Variants in ARMC1 observed in about 807,000 individuals in gnomAD.
The protein encoded by ARMC1 is armadillo repeat containing 1.
ARMC1 carries 16 observed loss-of-function variants against 31.4 expected under a neutral mutation model. The observed-to-expected ratio is 0.51, with a 90% CI of 0.34 to 0.77. ARMC1 has a LOEUF of 0.77. Among genes scored for constraint, ARMC1 ranks in the 30% least tolerant of loss-of-function variants. ARMC1 has a pLI of 0.01. For synonymous variants in ARMC1, 114 were observed against 118.9 expected (o/e 0.96, Z 0.27); for missense variants, 259 against 347.5 (o/e 0.75, Z 2.02).
At position 65,622,367 on chromosome 8, in the gene ARMC1, A is replaced by T. The variant is rs1361878160; in HGVS notation, c.184-13T>A. 3 of 1,606,886 alleles carry T rather than the reference A, an allele frequency of 1.9e-6. No homozygotes were observed. Among genetic ancestry groups the T allele is most frequent in the East Asian group, 2.2e-5 (1 of 44,838 alleles). ...AGTATCGAAGAGCCTACAGCAGAAGAAGTAATAAGTTAATTCGTCTGTCCA... is the reference window on the plus strand; with the variant it reads ...AGTATCGAAGAGCCTACAGCAGAAGTAGTAATAAGTTAATTCGTCTGTCCA... On this transcript the variant is annotated splice_polypyrimidine_tract_variant and intron_variant, in intron 2 of 6. Coordinates refer to ENST00000276569, the MANE Select transcript of ARMC1 (RefSeq NM_018120.6).
At chr8:65,607,134 A>G (rs1198781571) in intron 4 of ARMC1, among the ~76,000 whole-genome samples, 2 of 152,198 alleles carry the variant, frequency 1.3e-5, no homozygotes, top group African/African-American at 4.8e-5. Flanking sequence ...GCATTTCAAC[A>G]CTACTCAGGG....
chr8:65,617,066 C>T lies in ARMC1; in HGVS notation c.276-3633G>A, dbSNP rs577447777. ...GGTGGGGGGCGCTTCTGCCCAGCCG[C>T]CCCTTCTGGGAAGTGAGGAGCCCCT... On this transcript the variant is annotated intron_variant, in intron 3 of 6. Coordinates refer to ENST00000276569, the MANE Select transcript of ARMC1 (RefSeq NM_018120.6). Among the ~76,000 whole-genome samples, 4 of 151,498 alleles carry T rather than the reference C, an allele frequency of 2.6e-5. No individual in the cohort carries two copies. The East Asian group carries it at 7.8e-4, about 29-fold the overall frequency.
chr8:65,633,351 A>G (rs1266919327), intron 1 of ARMC1, among the ~76,000 whole-genome samples: 1 of 152,248 alleles, frequency 6.6e-6, no homozygotes, highest in Non-Finnish European at 1.5e-5. Context: ...TTGAGAAGTT[A>G]AGTTCTTAGA....
Position 65,613,170 on chromosome 8 carries a change from A to C in ARMC1, c.465+74T>G, listed in dbSNP as rs560290109. 4.1e-6 allele frequency: 5 copies of C among 1,234,360 alleles called. No homozygotes were observed. In the Admixed American group the frequency reaches 7.7e-5, roughly 19 times the overall value. The allele number at this position is 1,234,360 out of a possible 1,614,324, so 76.5% of individuals were successfully genotyped here. A position where few individuals can be genotyped will look rare whatever the true frequency, so the allele number is the denominator to read the frequency against. On this transcript the variant is annotated intron_variant, in intron 4 of 6. Coordinates refer to ENST00000276569, the MANE Select transcript of ARMC1 (RefSeq NM_018120.6). The stretch of plus-strand genomic sequence containing the variant: ...ATACTGATATCGAGATTTATTCTCA[A>C]AGACTGTTAGCAAGTGGCACTGAAG...
intron 3 of ARMC1, 135 bp from the exon 4 acceptor site, chr8:65,613,568 G>A: frequency 1.9e-6 from 1 of 525,048 alleles, no homozygotes; most frequent in Non-Finnish European, 3.3e-6. Context: ...GTGAATCCTA[G>A]AATAATCAAT....
chr8:65,605,631 G>A, intron 4 of ARMC1, 93 bp from the exon 5 acceptor site: 1 of 848,470 alleles, frequency 1.2e-6, no homozygotes, highest in South Asian at 1.5e-5. Context: ...GGGGAAGAGA[G>A]CAAATGACCT....
At position 65,605,442 on chromosome 8, in the gene ARMC1, G is replaced by A. The variant is rs767195470; in HGVS notation, c.562C>T (p.Arg188Cys). Residue 188 changes from arginine (R) to cysteine (C), a missense_variant, in exon 5 of 7, where the codon CGT (arginine) becomes TGT (cysteine). Arg to Cys is a radical substitution (Grantham distance 180). This residue lies in a region of ARMC1 where 23 missense variants were observed against 60.8 expected (regional missense o/e 0.38). Transcript: ENST00000276569. The part of the protein sequence containing the change: ...MAVQRCVVRI[R>C]SDLKAEALAS... ...CTTACCTCAGCTTTCAAATCTGAAC[G>A]GATTCGCACCACACACCTTTGAACA... is the stretch of plus-strand genomic sequence containing the variant. 1.7e-5 allele frequency: 27 copies of A among 1,613,984 alleles called. No homozygotes were observed. Among genetic ancestry groups the A allele is most frequent in the East Asian group, 2.2e-5 (1 of 44,868 alleles).
chr8:65,609,156 C>T (rs1258828415), intron 4 of ARMC1, among the ~76,000 whole-genome samples: 7 of 129,886 alleles, frequency 5.4e-5, no homozygotes, highest in South Asian at 2.4e-4. Flanking sequence ...TTTTTTGAGA[C>T]GGAATCTCGC....
At chr8:65,628,391 A>ATTTTTT (rs763494218) in intron 1 of ARMC1, among the ~76,000 whole-genome samples, 92 of 78,806 alleles carry the variant, frequency 1.2e-3, no homozygotes, top group East Asian at 1.8e-3. Flanking sequence ...CGCCCGGCTA[A>ATTTTTT]TTTTTTTTTT....
At chr8:65,612,400 A>T (rs1303356281) in intron 4 of ARMC1, among the ~76,000 whole-genome samples, 3 of 151,642 alleles carry the variant, frequency 2.0e-5, no homozygotes, top group African/African-American at 7.3e-5. Flanking sequence ...AGCCTGCAGT[A>T]GACTATGATT....
At chr8:65,628,261 GTT>G (rs1311790684) in intron 1 of ARMC1, among the ~76,000 whole-genome samples, 5 of 151,850 alleles carry the variant, frequency 3.3e-5, no homozygotes, top group African/African-American at 4.8e-5. Flanking sequence ...TGTTTTGTTT[GTT>G]TTCTCCAAGA....
chr8:65,614,202 C>T (rs1398928605), intron 3 of ARMC1, among the ~76,000 whole-genome samples: 1 of 152,140 alleles, frequency 6.6e-6, no homozygotes, highest in Non-Finnish European at 1.5e-5. Flanking sequence ...TTTTAATTTA[C>T]ATTTTTTACA....
chr8:65,610,427 G>A (rs4384017), intron 4 of ARMC1, among the ~76,000 whole-genome samples: 44,637 of 134,174 alleles, frequency 0.33, 6,846 homozygotes, highest in East Asian at 0.46. Flanking sequence ...CGGCTGCAGT[G>A]GTTCATGCCT....
intron 4 of ARMC1, among the ~76,000 whole-genome samples, chr8:65,610,626 T>C (rs59103778): frequency 6.6e-6 from 1 of 150,610 alleles, no homozygotes; most frequent in Admixed American, 6.6e-5. Flanking sequence ...ACCCAGGAGG[T>C]GGAGGTTGCA....
At chr8:65,616,545 C>G (rs1331934528) in intron 3 of ARMC1, among the ~76,000 whole-genome samples, 1 of 152,040 alleles carries the variant, frequency 6.6e-6, no homozygotes, top group Non-Finnish European at 1.5e-5. Flanking sequence ...AGCCTCTGCC[C>G]GGCCGCCACC....
intron 2 of ARMC1, among the ~76,000 whole-genome samples, 180 bp from the exon 3 acceptor site, chr8:65,622,534 A>G (rs778989748): frequency 3.9e-5 from 6 of 152,250 alleles, no homozygotes; most frequent in Non-Finnish European, 7.3e-5. Context: ...TTTGAGCTGT[A>G]GTAGCTGATC....
Position 65,604,478 on chromosome 8 carries a change from C to T in ARMC1, c.765G>A (p.Val255=). ...CTTCTGGGTGTGAGCCGACCCGGGA[C>T]ACCGCTTTGTCCTGTTCCTTTGTGG... ...ESPTKEQDKA[V]SRVGSHPEGG... The change falls in exon 7 of 7, where the codon GTG becomes GTA. Residue 255 remains valine, a synonymous_variant. Transcript: ENST00000276569. 1 of 1,614,170 alleles carries T rather than the reference C, an allele frequency of 6.2e-7. No homozygotes were observed. Among genetic ancestry groups the T allele is most frequent in the Non-Finnish European group, 8.5e-7 (1 of 1,180,038 alleles).
At chr8:65,629,717 T>C (rs1808595509) in intron 1 of ARMC1, among the ~76,000 whole-genome samples, 1 of 148,640 alleles carries the variant, frequency 6.7e-6, no homozygotes, top group Non-Finnish European at 1.5e-5. Context: ...GAGAATCGCT[T>C]GAACTTGGGA....
intron 3 of ARMC1, among the ~76,000 whole-genome samples, chr8:65,616,807 C>T (rs1461791596): frequency 6.0e-5 from 9 of 150,570 alleles, no homozygotes; most frequent in African/African-American, 2.0e-4. Flanking sequence ...AGGTGAGGAG[C>T]GTCTCTGCCC....
Sources: allele counts gnomAD v4.1 joint callset (sites outside exome capture counted in the v4.1 genomes callset), GRCh38; gene constraint gnomAD v4.1.1; regional missense constraint gnomAD v4.1.1; transcripts MANE v1.5; gene names NCBI Gene and HGNC (gene_info 2026-07-23, HGNC 2026-07-21).